The following CFTR variants were observed in gnomAD, a reference collection of about 807,000 sequenced individuals.
The protein encoded by CFTR is cystic fibrosis transmembrane conductance regulator.
CFTR carries 181 observed loss-of-function variants against 171.6 expected under a neutral mutation model. The observed-to-expected ratio is 1.05, with a 90% confidence interval of 0.93 to 1.19. CFTR has a LOEUF of 1.19. Among genes scored for constraint, CFTR ranks in the 50% most tolerant of loss-of-function variants. The pLI is 0.00. For missense variants in CFTR, 1,968 were observed against 1,734.7 expected (o/e 1.13, Z -2.39); for synonymous variants, 583 against 608.0 (o/e 0.96, Z 0.60).
intron 20 of CFTR, among the ~76,000 whole-genome samples, chr7:117,612,574 A>T (rs909300833): frequency 1.3e-5 from 2 of 152,090 alleles, no homozygotes; most frequent in African/African-American, 2.4e-5. Flanking sequence ...ATAACTTCTT[A>T]TATGTGACAG....
chr7:117,511,223 G>C (rs942360508), intron 3 of CFTR, among the ~76,000 whole-genome samples: 1 of 152,062 alleles, frequency 6.6e-6, no homozygotes, highest in African/African-American at 2.4e-5. Flanking sequence ...CTTTCTTCAG[G>C]ACAGGAATCA....
chr7:117,555,177 G>A lies in CFTR; in HGVS notation c.1393-4287G>A, dbSNP rs191236180. 4.7e-4 allele frequency among the ~76,000 whole-genome samples: 72 copies of A among 151,710 alleles called. 1 individual carries two copies. The Middle Eastern group carries it at 0.01, about 22-fold the overall frequency. On this transcript the variant is annotated intron_variant, in intron 10 of 26. Coordinates refer to ENST00000003084, the MANE Select transcript of CFTR (RefSeq NM_000492.4). ...TATGCCATGAATGCATAAAATATATGTAGACACTAGCCTATTTTATCATTT... is the reference window on the plus strand; with the variant it reads ...TATGCCATGAATGCATAAAATATATATAGACACTAGCCTATTTTATCATTT...
rs397508471 is a variant in CFTR at position 117,610,516 on chromosome 7, C to T, written c.2989-3C>T. 6 of 1,610,944 alleles carry T rather than the reference C, an allele frequency of 3.7e-6. No homozygotes were observed. Among genetic ancestry groups the T allele is most frequent in the Non-Finnish European group, 3.4e-6 (4 of 1,178,022 alleles). ...CACCAACATGTTTTCTTTGATCTTA[C>T]AGTTGTTATTAATTGTGATTGGAGC... is the stretch of plus-strand genomic sequence containing the variant. On this transcript the variant is annotated splice_region_variant and splice_polypyrimidine_tract_variant and intron_variant, in intron 18 of 26. Transcript: ENST00000003084.
chr7:117,621,455 G>A (rs1792579036), intron 21 of CFTR, among the ~76,000 whole-genome samples: 1 of 152,162 alleles, frequency 6.6e-6, no homozygotes, highest in Non-Finnish European at 1.5e-5. Flanking sequence ...ACTAATGGGA[G>A]TAGCTAGATG....
At chr7:117,649,729 G>A (rs1434593174) in intron 23 of CFTR, among the ~76,000 whole-genome samples, 4 of 151,862 alleles carry the variant, frequency 2.6e-5, no homozygotes. Flanking sequence ...CAGCAGTTAT[G>A]GCCTAGTAGG....
intron 21 of CFTR, among the ~76,000 whole-genome samples, chr7:117,626,580 G>C (rs1423647650): frequency 1.3e-5 from 2 of 151,974 alleles, no homozygotes; most frequent in Non-Finnish European, 2.9e-5. Context: ...ATCAAAGATG[G>C]TATCTTTTAA....
intron 1 of CFTR, among the ~76,000 whole-genome samples, chr7:117,485,427 G>A (rs912146109): frequency 2.6e-5 from 4 of 152,186 alleles, no homozygotes; most frequent in Admixed American, 2.6e-4. Flanking sequence ...AGATCTTGTA[G>A]AAAGATTAAT....
At chr7:117,626,681 T>C (rs533956202) in intron 21 of CFTR, among the ~76,000 whole-genome samples, 2 of 152,178 alleles carry the variant, frequency 1.3e-5, no homozygotes, top group South Asian at 2.1e-4. Flanking sequence ...CCTTTATTCA[T>C]GTATTGTTCA....
At position 117,592,267 on chromosome 7, in the gene CFTR, T is replaced by A; in HGVS notation, c.2100T>A (p.Ser700=). 1 of 1,613,996 alleles carries A rather than the reference T, an allele frequency of 6.2e-7. No homozygotes were observed. Among genetic ancestry groups the A allele is most frequent in the Non-Finnish European group, 8.5e-7 (1 of 1,180,034 alleles). The change falls in exon 14 of 27, where the codon TCT becomes TCA. Residue 700 remains serine (S), a synonymous_variant. Transcript: ENST00000003084. ...TGEFGEKRKN[S]ILNPINSIRK... ...AGTTTGGGGAAAAAAGGAAGAATTCTATTCTCAATCCAATCAACTCTATAC... is the reference window on the plus strand; with the variant it reads ...AGTTTGGGGAAAAAAGGAAGAATTCAATTCTCAATCCAATCAACTCTATAC...
intron 21 of CFTR, among the ~76,000 whole-genome samples, chr7:117,620,949 A>G (rs1562917702): frequency 6.6e-6 from 1 of 152,144 alleles, no homozygotes; most frequent in Non-Finnish European, 1.5e-5. Flanking sequence ...TCTACTAAAA[A>G]TTCAAAAATT....
At chr7:117,602,762 T>C in intron 15 of CFTR, 64 bp from the exon 16 acceptor site, 1 of 1,265,496 alleles carries the variant, frequency 7.9e-7, no homozygotes, top group Non-Finnish European at 1.2e-6. Context: ...AATTTAGATG[T>C]GGGCATGGGA....
intron 2 of CFTR, among the ~76,000 whole-genome samples, chr7:117,506,531 C>T (rs1343759728): frequency 6.6e-6 from 1 of 152,148 alleles, no homozygotes; most frequent in Non-Finnish European, 1.5e-5. Context: ...TAGGTGTGAG[C>T]CACTATGCCC....
intron 21 of CFTR, among the ~76,000 whole-genome samples, chr7:117,623,314 C>T (rs1411994160): frequency 6.6e-6 from 1 of 152,196 alleles, no homozygotes; most frequent in Non-Finnish European, 1.5e-5. Flanking sequence ...GCTGGCAGGC[C>T]AGCTTGCTGC....
intron 3 of CFTR, among the ~76,000 whole-genome samples, chr7:117,525,208 T>A (rs1183128852): frequency 6.6e-6 from 1 of 152,248 alleles, no homozygotes; most frequent in Non-Finnish European, 1.5e-5. Flanking sequence ...TTGTGATTAG[T>A]TTGGAAACTT....
At chr7:117,661,762 GA>G (rs1793290234) in intron 24 of CFTR, among the ~76,000 whole-genome samples, 1 of 152,002 alleles carries the variant, frequency 6.6e-6, no homozygotes, top group African/African-American at 2.4e-5. Flanking sequence ...TATTCTGTGG[GA>G]GCCGCTTTCC....
At chr7:117,591,568 G>T (rs1299231601) in intron 13 of CFTR, among the ~76,000 whole-genome samples, 1 of 152,040 alleles carries the variant, frequency 6.6e-6, no homozygotes, top group African/African-American at 2.4e-5. Context: ...TAAAAGAAAT[G>T]AAGTACAAAT....
chr7:117,540,378 T>G, intron 8 of CFTR, 32 bp downstream of exon 8: 1 of 1,587,472 alleles, frequency 6.3e-7, no homozygotes, highest in Non-Finnish European at 8.6e-7. Flanking sequence ...TTATATACTA[T>G]GATTTAAATA....
chr7:117,501,772 G>GAAAAAAAAAAAAAAAAAAAAAAAAAAAA (rs1798332750), intron 1 of CFTR, among the ~76,000 whole-genome samples: 5 of 73,544 alleles, frequency 6.8e-5, no homozygotes, highest in Non-Finnish European at 1.1e-4. Context: ...AAAAAAAAAA[G>GAAAAAAAAAAAAAAAAAAAAAAAAAAAA]AAACAAAAAA....
At chr7:117,567,974 C>T (rs1791630363) in intron 11 of CFTR, among the ~76,000 whole-genome samples, 1 of 152,162 alleles carries the variant, frequency 6.6e-6, no homozygotes, top group Non-Finnish European at 1.5e-5. Context: ...GATGGATAAA[C>T]AGGAGTCATC....
Sources: allele counts gnomAD v4.1 joint callset (sites outside exome capture counted in the v4.1 genomes callset), GRCh38; gene constraint gnomAD v4.1.1; transcripts MANE v1.5; gene names NCBI Gene and HGNC (gene_info 2026-07-23, HGNC 2026-07-21).